SCD5: variants seen among roughly 807,000 people sequenced by gnomAD.
SCD5 encodes the protein acyl-CoA-desaturase 4.
A neutral mutation model predicts 30.4 loss-of-function variants in SCD5; 20 were observed. The ratio of observed to expected loss-of-function variants is 0.66; its 90% CI spans 0.46 to 0.96. The LOEUF (loss-of-function observed/expected upper bound fraction) is 0.96, where lower values mean the gene tolerates loss of function less well. SCD5 is among the 40% of genes least tolerant of loss of function. SCD5 has a pLI of 0.00. For synonymous variants in SCD5, 173 were observed against 176.4 expected, an observed-to-expected ratio of 0.98 and a Z score of 0.16; for missense variants, 381 against 443.3, an observed-to-expected ratio of 0.86 and a Z score of 1.26.
intron 1 of SCD5, among the ~76,000 whole-genome samples, chr4:82,732,177 T>C (rs1385317440): frequency 6.6e-6 from 1 of 152,134 alleles, no homozygotes; most frequent in East Asian, 1.9e-4. Context: ...CTCAGCTCAC[T>C]GCAACCTCTG....
intron 3 of SCD5, among the ~76,000 whole-genome samples, chr4:82,661,741 A>G (rs987607795): frequency 6.6e-6 from 1 of 152,226 alleles, no homozygotes; most frequent in African/African-American, 2.4e-5. Context: ...GGTTCTTTAG[A>G]AAAAGAGACT....
At chr4:82,671,868 G>A (rs541861541) in intron 3 of SCD5, among the ~76,000 whole-genome samples, 3 of 152,148 alleles carry the variant, frequency 2.0e-5, no homozygotes, top group South Asian at 2.1e-4. Flanking sequence ...GTAACAGAGC[G>A]AGACTCTGTC....
At position 82,699,339 on chromosome 4, in the gene SCD5, C is replaced by T. The variant is rs150032213; in HGVS notation, c.363+5944G>A. Among the ~76,000 whole-genome samples, 18 of 152,258 alleles carry T rather than the reference C, an allele frequency of 1.2e-4. No individual in the cohort carries two copies. The South Asian group carries it at 1.2e-3, about 11-fold the overall frequency. Reference sequence around the variant, plus strand: ...CATAACCACTTTTCTGTTTTCTCGCCTATCAAATGAGGAAAATAATAGTAC... The same window carrying T: ...CATAACCACTTTTCTGTTTTCTCGCTTATCAAATGAGGAAAATAATAGTAC... On this transcript the variant is annotated intron_variant, in intron 2 of 4. Coordinates refer to ENST00000319540, the MANE Select transcript of SCD5 (RefSeq NM_001037582.3).
intron 1 of SCD5, among the ~76,000 whole-genome samples, chr4:82,768,486 TTAAG>T (rs1201837208): frequency 6.6e-6 from 1 of 152,208 alleles, no homozygotes; most frequent in Non-Finnish European, 1.5e-5. Flanking sequence ...TCATCTTTTA[TTAAG>T]TGAGTTAGTG....
rs186550207 is a variant in SCD5, at chr4:82,645,658, C to G, written c.570-8835G>C. Among the ~76,000 whole-genome samples, 259 of 152,308 alleles carry G rather than the reference C, an allele frequency of 1.7e-3. 3 individuals are homozygous for G. Among genetic ancestry groups the G allele is most frequent in the Non-Finnish European group, 3.2e-3 (218 of 68,032 alleles). On this transcript the variant is annotated intron_variant, in intron 3 of 4. Coordinates refer to ENST00000319540, the MANE Select transcript of SCD5 (RefSeq NM_001037582.3). ...GACAAGGAGTCCATTTTTACACAAT[C>G]AAATGCCATTGCACACAACAGCGCC...
intron 1 of SCD5, among the ~76,000 whole-genome samples, chr4:82,709,179 C>A (rs187595176): frequency 6.6e-6 from 1 of 152,304 alleles, no homozygotes; most frequent in African/African-American, 2.4e-5. Context: ...GTCCTTTTAG[C>A]CAGCTCAAAA....
intron 1 of SCD5, among the ~76,000 whole-genome samples, chr4:82,722,809 T>C (rs28692976): frequency 0.33 from 49,565 of 150,346 alleles, 8,620 homozygotes; most frequent in Admixed American, 0.42. Flanking sequence ...AGCTCACGCA[T>C]GTAATCCCAG....
At chr4:82,739,542 T>G (rs1231051550) in intron 1 of SCD5, among the ~76,000 whole-genome samples, 1 of 152,270 alleles carries the variant, frequency 6.6e-6, no homozygotes, top group Non-Finnish European at 1.5e-5. Flanking sequence ...CTCCGCCTGC[T>G]GGTTGTGTGC....
intron 3 of SCD5, among the ~76,000 whole-genome samples, chr4:82,654,812 T>C (rs1433446816): frequency 2.6e-5 from 4 of 152,190 alleles, no homozygotes; most frequent in African/African-American, 7.2e-5. Flanking sequence ...TCCCTCTCAC[T>C]GTCTGTGATA....
At chr4:82,665,305 A>G (rs1336516958) in intron 3 of SCD5, among the ~76,000 whole-genome samples, 1 of 150,426 alleles carries the variant, frequency 6.6e-6, no homozygotes, top group Admixed American at 6.6e-5. Flanking sequence ...ATGGCTAAGA[A>G]TTTTCCAAAA....
chr4:82,720,441 T>TAGAAAAAAAAAAAAAAAA (rs778480466), intron 1 of SCD5, among the ~76,000 whole-genome samples: 1 of 77,940 alleles, frequency 1.3e-5, no homozygotes, highest in Non-Finnish European at 2.4e-5. Flanking sequence ...AAGGCAAAAA[T>TAGAAAAAAAAAAAAAAAA]AAAAAAAAAA....
intron 3 of SCD5, among the ~76,000 whole-genome samples, chr4:82,663,116 T>G (rs1038913038): frequency 3.3e-5 from 5 of 152,148 alleles, no homozygotes; most frequent in Non-Finnish European, 7.3e-5. Context: ...ATAACTTTTC[T>G]TTAACTCATC....
At chr4:82,763,310 G>C (rs1043906241) in intron 1 of SCD5, among the ~76,000 whole-genome samples, 1 of 152,106 alleles carries the variant, frequency 6.6e-6, no homozygotes, top group East Asian at 1.9e-4. Flanking sequence ...TCAGGAGTTC[G>C]AGACCAGCCT....
intron 1 of SCD5, among the ~76,000 whole-genome samples, chr4:82,752,547 G>A (rs917855839): frequency 2.0e-5 from 3 of 152,150 alleles, no homozygotes; most frequent in African/African-American, 4.8e-5. Flanking sequence ...AGAAAGAGAT[G>A]GGGCTGAGGA....
chr4:82,732,920 T>C (rs1300213946), intron 1 of SCD5, among the ~76,000 whole-genome samples: 1 of 152,142 alleles, frequency 6.6e-6, no homozygotes, highest in Non-Finnish European at 1.5e-5. Flanking sequence ...TGGAACTTGC[T>C]AGAAATGTTA....
intron 2 of SCD5, among the ~76,000 whole-genome samples, chr4:82,682,711 A>G (rs1470522792): frequency 1.3e-5 from 2 of 152,138 alleles, no homozygotes; most frequent in Non-Finnish European, 2.9e-5. Flanking sequence ...CAGTGGTGCA[A>G]TCACATAGCT....
chr4:82,780,394 G>A (rs1721841893), intron 1 of SCD5, among the ~76,000 whole-genome samples: 2 of 152,128 alleles, frequency 1.3e-5, no homozygotes, highest in Non-Finnish European at 2.9e-5. Context: ...TCGTGAGTAG[G>A]AATGATAGCT....
chr4:82,646,726 C>T (rs897695353), intron 3 of SCD5, among the ~76,000 whole-genome samples: 2 of 152,176 alleles, frequency 1.3e-5, no homozygotes, highest in Non-Finnish European at 2.9e-5. Flanking sequence ...GCATCTCCTC[C>T]CCTGTGGAGG....
chr4:82,636,520 A>G, intron 4 of SCD5, 71 bp downstream of exon 4: 2 of 1,231,476 alleles, frequency 1.6e-6, no homozygotes, highest in Non-Finnish European at 2.3e-6. Context: ...TACTGATTCC[A>G]CAAAACTACT....
Sources: allele counts gnomAD v4.1 joint callset (sites outside exome capture counted in the v4.1 genomes callset), GRCh38; gene constraint gnomAD v4.1.1; transcripts MANE v1.5; gene names NCBI Gene and HGNC (gene_info 2026-07-23, HGNC 2026-07-21).